The following CSMD1 variants were observed in gnomAD, a reference collection of about 807,000 sequenced individuals.
The protein encoded by CSMD1 is CUB and Sushi multiple domains 1.
CSMD1 carries 213 observed loss-of-function variants against 417.5 expected under a neutral mutation model. That is an observed-to-expected ratio of 0.51 (90% confidence interval 0.46 to 0.57). CSMD1 has a LOEUF of 0.57. CSMD1 is among the 20% of genes least tolerant of loss of function. The probability of loss-of-function intolerance (pLI) is 0.00; values close to 1 mark genes in which losing one functional copy is unlikely to be tolerated. For missense variants in CSMD1, 6,923 were observed against 4,529.7 expected (o/e 1.53, Z -15.17); for synonymous variants, 2,862 against 1,736.8 (o/e 1.65, Z -16.11).
chr8:3,142,536 G>A lies in CSMD1; in HGVS notation c.6170C>T (p.Thr2057Met), dbSNP rs775407052. 5 of 1,613,850 alleles carry A rather than the reference G, an allele frequency of 3.1e-6. No individual in the cohort carries two copies. The highest frequency in any genetic ancestry group is 1.7e-5 in the Admixed American group (1 of 60,006). ...TDLPAALLST[T>M]HETLIHFYSD... ...ATAAAAGTGGATGAGGGTTTCATGC[G>A]TTGTGCTCAGCAGGGCCGCGGGGAG... Residue 2057 changes from threonine to methionine, a missense_variant, in exon 41 of 70, where the codon ACG (threonine) becomes ATG (methionine). Thr to Met is a moderately conservative substitution (Grantham distance 81). Transcript: ENST00000635120.
At chr8:4,191,566 C>G (rs1271700365) in intron 3 of CSMD1, among the ~76,000 whole-genome samples, 1 of 152,106 alleles carries the variant, frequency 6.6e-6, no homozygotes, top group Admixed American at 6.6e-5. Context: ...AATGCTTGTA[C>G]TTCATCCATG....
intron 5 of CSMD1, among the ~76,000 whole-genome samples, chr8:3,988,979 C>G (rs920316458): frequency 6.6e-6 from 1 of 152,172 alleles, no homozygotes; most frequent in Non-Finnish European, 1.5e-5. Context: ...TGAACATAGA[C>G]TTTTAGAACT....
At chr8:4,644,121 C>T (rs1442294984) in intron 1 of CSMD1, among the ~76,000 whole-genome samples, 1 of 152,170 alleles carries the variant, frequency 6.6e-6, no homozygotes, top group Non-Finnish European at 1.5e-5. Flanking sequence ...ATGAGCAAGG[C>T]CTTGAAGGGA....
At chr8:3,516,825 A>G (rs560545767) in intron 10 of CSMD1, among the ~76,000 whole-genome samples, 2 of 152,284 alleles carry the variant, frequency 1.3e-5, no homozygotes, top group Admixed American at 1.3e-4. Context: ...ATCGCTGAGT[A>G]TCTACCCAGA....
intron 4 of CSMD1, among the ~76,000 whole-genome samples, chr8:4,004,602 T>G (rs1025396449): frequency 4.6e-5 from 7 of 152,176 alleles, no homozygotes; most frequent in African/African-American, 1.7e-4. Context: ...TTTTCCTTCT[T>G]TCCTTCATTT....
intron 5 of CSMD1, among the ~76,000 whole-genome samples, chr8:3,801,503 C>T (rs934730761): frequency 7.9e-5 from 12 of 152,094 alleles, no homozygotes; most frequent in Non-Finnish European, 1.8e-4. Context: ...AGAATTGGAA[C>T]CCTCTCGTGT....
At chr8:4,451,030 A>G (rs577841374) in intron 2 of CSMD1, among the ~76,000 whole-genome samples, 2 of 151,222 alleles carry the variant, frequency 1.3e-5, no homozygotes, top group South Asian at 4.2e-4. Flanking sequence ...GGAAAAAAAA[A>G]ATGGAATTTA....
At chr8:4,737,256 G>A (rs984571779) in intron 1 of CSMD1, among the ~76,000 whole-genome samples, 2 of 152,128 alleles carry the variant, frequency 1.3e-5, no homozygotes, top group African/African-American at 4.8e-5. Flanking sequence ...AATAGTGCAC[G>A]TTCTCACTTA....
intron 1 of CSMD1, among the ~76,000 whole-genome samples, chr8:4,764,553 G>T (rs1812318266): frequency 6.6e-6 from 1 of 152,012 alleles, no homozygotes; most frequent in Non-Finnish European, 1.5e-5. Flanking sequence ...TTGGAAACCA[G>T]CCAAGCTGCT....
chr8:4,390,641 G>A (rs1803787276), intron 3 of CSMD1, among the ~76,000 whole-genome samples: 1 of 151,780 alleles, frequency 6.6e-6, no homozygotes, highest in African/African-American at 2.4e-5. Context: ...AGCCTCCCAA[G>A]GAGCTGGGAC....
chr8:3,589,899 C>T (rs1355854191), intron 8 of CSMD1, among the ~76,000 whole-genome samples: 3 of 152,044 alleles, frequency 2.0e-5, no homozygotes, highest in Non-Finnish European at 2.9e-5. Context: ...GAAAATATCA[C>T]CACTCTGACT....
rs533591490 is a variant in CSMD1, at chr8:4,062,339, G to A, written c.416-30240C>T. 2.4e-4 allele frequency among the ~76,000 whole-genome samples: 36 copies of A among 152,182 alleles called. No individual in the cohort carries two copies. The South Asian group carries it at 7.1e-3, about 30-fold the overall frequency. ...TAAATAATATGGTCCAGGGTGGAGA[G>A]TGGCAGAAGAATTTTCATTTGACAA... is the stretch of plus-strand genomic sequence containing the variant. On this transcript the variant is annotated intron_variant, in intron 3 of 69. Coordinates refer to ENST00000635120, the MANE Select transcript of CSMD1 (RefSeq NM_033225.6).
chr8:3,350,507 A>T (rs117799891), intron 21 of CSMD1, among the ~76,000 whole-genome samples: 3,587 of 152,246 alleles, frequency 0.024, 70 homozygotes, highest in East Asian at 0.081. Context: ...AGGGAATAGC[A>T]CTTTTAAAAA....
chr8:3,927,358 G>A (rs777453902), intron 5 of CSMD1, among the ~76,000 whole-genome samples: 16 of 151,854 alleles, frequency 1.1e-4, no homozygotes, highest in East Asian at 1.9e-4. Context: ...AAAAGGAAAG[G>A]TATCACTGTA....
At chr8:3,825,690 C>T (rs1332816308) in intron 5 of CSMD1, among the ~76,000 whole-genome samples, 1 of 152,088 alleles carries the variant, frequency 6.6e-6, no homozygotes, top group African/African-American at 2.4e-5. Flanking sequence ...CAAGAGCTCC[C>T]TCAAAGACAT....
intron 2 of CSMD1, among the ~76,000 whole-genome samples, chr8:4,548,239 T>C (rs568601571): frequency 2.0e-5 from 3 of 152,250 alleles, no homozygotes; most frequent in South Asian, 4.1e-4. Context: ...GTACGTTGAG[T>C]GCAAAAATGA....
At chr8:3,316,339 A>G (rs1805756311) in intron 23 of CSMD1, among the ~76,000 whole-genome samples, 1 of 152,228 alleles carries the variant, frequency 6.6e-6, no homozygotes, top group Admixed American at 6.5e-5. Flanking sequence ...AATGTTTTCA[A>G]ATCTATCAGG....
intron 1 of CSMD1, among the ~76,000 whole-genome samples, chr8:4,849,419 T>A (rs1204036355): frequency 6.6e-6 from 1 of 152,108 alleles, no homozygotes; most frequent in Non-Finnish European, 1.5e-5. Flanking sequence ...TTTGTAAGTT[T>A]GCTATACCCT....
chr8:3,390,164 G>A (rs780286027), intron 17 of CSMD1, among the ~76,000 whole-genome samples: 2 of 151,866 alleles, frequency 1.3e-5, no homozygotes, highest in Non-Finnish European at 2.9e-5. Context: ...AGACCAGCCT[G>A]GCCAACCTGA....
Sources: allele counts gnomAD v4.1 joint callset (sites outside exome capture counted in the v4.1 genomes callset), GRCh38; gene constraint gnomAD v4.1.1; transcripts MANE v1.5; gene names NCBI Gene and HGNC (gene_info 2026-07-23, HGNC 2026-07-21).